CLCN7: variants seen among roughly 807,000 people sequenced by gnomAD.
CLCN7 encodes the protein Cl-/H+ antiporter 7.
In CLCN7, 60 loss-of-function variants were observed where a neutral mutation model predicts 102.1. The observed-to-expected ratio is 0.59, with a 90% confidence interval of 0.48 to 0.73. The LOEUF (loss-of-function observed/expected upper bound fraction) is 0.73. Among genes scored for constraint, CLCN7 ranks in the 30% least tolerant of loss-of-function variants. The probability of loss-of-function intolerance (pLI) is 0.00; values close to 1 mark genes in which losing one functional copy is unlikely to be tolerated. For synonymous variants in CLCN7, 560 were observed against 490.5 expected, an observed-to-expected ratio of 1.14 and a Z score of -1.87; for missense variants, 962 against 1,125.7, an observed-to-expected ratio of 0.85 and a Z score of 2.08.
intron 15 of CLCN7, 74 bp from the exon 16 acceptor site, chr16:1,451,790 C>A: frequency 8.6e-7 from 1 of 1,164,100 alleles, no homozygotes; most frequent in Non-Finnish European, 1.3e-6. Flanking sequence ...CCTGGTGTCG[C>A]CGTGAGAGGC....
rs767717748 is a variant in CLCN7, at chr16:1,449,084, A to G, written c.1679T>C (p.Val560Ala). 42 of 1,612,614 alleles carry G rather than the reference A, an allele frequency of 2.6e-5. No homozygotes were observed. Among genetic ancestry groups the G allele is most frequent in the Non-Finnish European group, 3.4e-5 (40 of 1,179,970 alleles). The change falls in exon 19 of 25, where the codon GTG (valine) becomes GCG (alanine). Residue 560 changes from valine (V) to alanine (A), a missense_variant. Val to Ala is a moderately conservative substitution (Grantham distance 64). Coordinates refer to ENST00000382745, the MANE Select transcript of CLCN7 (RefSeq NM_001287.6). ...GACGGTCAGGCTCAGTGTCATCCGC[A>G]CAATCCCGCCTGCGGGAGCCATCAT... ...MGAAAQLGGI[V>A]RMTLSLTVIM...
At chr16:1,473,891 C>T (rs113266812) in intron 1 of CLCN7, among the ~76,000 whole-genome samples, 2,303 of 151,864 alleles carry the variant, frequency 0.015, 52 homozygotes, top group African/African-American at 0.051. Flanking sequence ...TCGAGGCCAG[C>T]CTGACCAACA....
intron 14 of CLCN7, among the ~76,000 whole-genome samples, chr16:1,453,628 T>TA (rs889169449): frequency 1.3e-5 from 2 of 152,210 alleles, no homozygotes; most frequent in African/African-American, 4.8e-5. Flanking sequence ...CTCGCACTCC[T>TA]AGCCTTGGGC....
At position 1,455,721 on chromosome 16, in the gene CLCN7, A is replaced by G; in HGVS notation, c.981+10T>C. The stretch of plus-strand genomic sequence containing the variant: ...CCCTGATCAGGAGGCAGCCATCAGC[A>G]GGAACTTACGATCCTCCAGGTCAGG... On this transcript the variant is annotated intron_variant, in intron 11 of 24. Coordinates refer to ENST00000382745, the MANE Select transcript of CLCN7 (RefSeq NM_001287.6). The G allele has an allele frequency of 1.2e-6, 2 of 1,613,720 alleles. No homozygotes were observed. Among genetic ancestry groups the G allele is most frequent in the Non-Finnish European group, 8.5e-7 (1 of 1,179,858 alleles).
chr16:1,446,994 G>C lies in CLCN7; in HGVS notation c.2331+12C>G, dbSNP rs371977822. The C allele has an allele frequency of 6.4e-7, 1 of 1,571,432 alleles. No individual in the cohort carries two copies. The highest frequency in any genetic ancestry group is 1.4e-5 in the African/African-American group (1 of 73,894). On this transcript the variant is annotated intron_variant, in intron 24 of 24. Transcript: ENST00000382745. ...TGCACGGCATGCCTGCACCCCCACC[G>C]CCCCCGCTCACCTGATTGCGGTTGT...
At position 1,457,755 on chromosome 16, in the gene CLCN7, G is replaced by T. The variant is rs779246889; in HGVS notation, c.677C>A (p.Thr226Lys). The change falls in exon 8 of 25, where the codon ACG becomes AAG. Residue 226 changes from threonine to lysine, a missense_variant and splice_region_variant. Thr to Lys is a moderately conservative substitution (Grantham distance 78). Around this residue, in one of 2 missense-constraint regions of CLCN7, gnomAD observed 799 missense variants for 988.0 expected, o/e 0.81. Transcript: ENST00000382745. This position sits in a 1 kb window ranked among gnomAD's most constrained non-coding sequence, Gnocchi z 5.4. ...VKIPHVVRLK[T>K]LVIKVSGVIL... ...CACACCGGACACTTTGATCACCAAC[G>T]TCTGAAACACAGGGAGACGCATGGC... 1.2e-6 allele frequency: 2 copies of T among 1,613,706 alleles called. No homozygotes were observed. The highest frequency in any genetic ancestry group is 2.7e-5 in the African/African-American group (2 of 74,950).
At chr16:1,446,781 T>C in intron 24 of CLCN7, 64 bp from the exon 25 acceptor site, 5 of 1,386,886 alleles carry the variant, frequency 3.6e-6, no homozygotes, top group Non-Finnish European at 5.0e-6. Flanking sequence ...TGGAGCTCCC[T>C]GCCTTGTGTG....
rs184831951 is a variant in CLCN7, at chr16:1,446,039, C to G, written c.*592G>C. The G allele has an allele frequency of 2.6e-4, 149 of 568,132 alleles. No individual in the cohort carries two copies. Among genetic ancestry groups the G allele is most frequent in the Non-Finnish European group, 6.2e-5 (20 of 321,278 alleles). The allele number at this position is 568,132 out of a possible 1,614,324, so 35.2% of individuals were successfully genotyped here. On this transcript the variant is annotated 3_prime_UTR_variant, in exon 25 of 25. Coordinates refer to ENST00000382745, the MANE Select transcript of CLCN7 (RefSeq NM_001287.6). ...AGCCGGATGCAGGCCGGGGAGTGCA[C>G]GTGGGGCTCCTCTGTGGCGCCAGTG...
At position 1,447,714 on chromosome 16, in the gene CLCN7, G is replaced by T; in HGVS notation, c.2014C>A (p.Pro672Thr). The T allele has an allele frequency of 6.4e-7, 1 of 1,552,832 alleles. No individual in the cohort carries two copies. Among genetic ancestry groups the T allele is most frequent in the Non-Finnish European group, 8.7e-7 (1 of 1,148,552 alleles). Residue 672 changes from proline (P) to threonine (T), a missense_variant and splice_region_variant, in exon 22 of 25, where the codon CCT becomes ACT. Physicochemically the swap from Pro to Thr is conservative, Grantham distance 38. Around this residue, in one of 2 missense-constraint regions of CLCN7, gnomAD observed 799 missense variants for 988.0 expected, o/e 0.81. Coordinates refer to ENST00000382745, the MANE Select transcript of CLCN7 (RefSeq NM_001287.6). Reference sequence around the variant, plus strand: ...AGGATCAGGCCCTGGAGCCGGGCAGGCTGCAAGACAGGCCCGCGGTCAGGG... The same window carrying T: ...AGGATCAGGCCCTGGAGCCGGGCAGTCTGCAAGACAGGCCCGCGGTCAGGG... ...PVVEHADDTQ[P>T]ARLQGLILRS...
Position 1,459,110 on chromosome 16 carries a change from G to A in CLCN7, c.672C>T (p.Leu224=). Residue 224 remains leucine (L), a synonymous_variant, in exon 7 of 25, where the codon CTC becomes CTT. Transcript: ENST00000382745. ...GCCAGGGCCACCGCACCCTCACCTTGAGCCGCACCACGTGGGGGATCTTCA... is the reference window on the plus strand; with the variant it reads ...GCCAGGGCCACCGCACCCTCACCTTAAGCCGCACCACGTGGGGGATCTTCA... ...NGVKIPHVVR[L]KTLVIKVSGV... The A allele has an allele frequency of 6.2e-7, 1 of 1,610,226 alleles. No individual in the cohort carries two copies. The highest frequency in any genetic ancestry group is 8.5e-7 in the Non-Finnish European group (1 of 1,177,614).
intron 1 of CLCN7, 103 bp from the exon 2 acceptor site, chr16:1,465,441 G>A (rs1596227599): frequency 8.5e-6 from 9 of 1,060,556 alleles, no homozygotes; most frequent in East Asian, 2.6e-5. Context: ...GACCCTGCCC[G>A]GGAGCTCAGG....
chr16:1,460,162 A>AG (rs1256038576), intron 6 of CLCN7, among the ~76,000 whole-genome samples: 2 of 150,524 alleles, frequency 1.3e-5, no homozygotes, highest in Non-Finnish European at 3.0e-5. Context: ...AGATGGAAGG[A>AG]GGGGCGGAGT....
Position 1,447,586 on chromosome 16 carries a change from C to G in CLCN7, c.2074-18G>C. 1.3e-6 allele frequency: 2 copies of G among 1,553,038 alleles called. No individual in the cohort carries two copies. Among genetic ancestry groups the G allele is most frequent in the East Asian group, 2.4e-5 (1 of 41,116 alleles). ...ACAAACACCTGCGGGCGGCAGAGCC[C>G]TGTGTCAGGCACCCAGGCAGCACCC... On this transcript the variant is annotated intron_variant, in intron 22 of 24. Coordinates refer to ENST00000382745, the MANE Select transcript of CLCN7 (RefSeq NM_001287.6).
intron 17 of CLCN7, 61 bp from the exon 18 acceptor site, chr16:1,449,388 C>A: frequency 6.6e-7 from 1 of 1,515,824 alleles, no homozygotes; most frequent in South Asian, 1.2e-5. Flanking sequence ...CACCAAGATA[C>A]ACAGACGGAG....
chr16:1,455,309 C>A lies in CLCN7; in HGVS notation c.982-59G>T, dbSNP rs936669503. ...AGCCACGCTCCCAGCCCAGGGCTCA[C>A]GGACCAGCAGGGACCATCGCCCCTC... On this transcript the variant is annotated intron_variant, in intron 11 of 24. Transcript: ENST00000382745. 1.2e-5 allele frequency: 13 copies of A among 1,106,618 alleles called. No homozygotes were observed. The African/African-American group carries it at 1.7e-4, about 14-fold the overall frequency. The allele number at this position is 1,106,618 out of a possible 1,614,324, so 68.5% of individuals were successfully genotyped here.
chr16:1,461,754 GC>G, intron 2 of CLCN7, 80 bp from the exon 3 acceptor site: 1 of 1,199,598 alleles, frequency 8.3e-7, no homozygotes, highest in Non-Finnish European at 1.2e-6. Context: ...CACACACGAG[GC>G]CATTATCATC....
rs115335595 is a variant in CLCN7 at position 1,449,407 on chromosome 16, G to A, written c.1618-80C>T. 129,338 of 1,377,008 alleles carry A rather than the reference G, an allele frequency of 0.094. 7,018 individuals are homozygous for A. Among genetic ancestry groups the A allele is most frequent in the Non-Finnish European group, 0.11 (110,174 of 988,884 alleles). 85.3% of individuals were successfully genotyped at this position (1,377,008 alleles called of 1,614,324 possible). A position where few individuals can be genotyped will look rare whatever the true frequency, so the allele number is the denominator to read the frequency against. The stretch of plus-strand genomic sequence containing the variant: ...AAGATACACAGACGGAGGAGGCCCT[G>A]CCCAGGCCCAGCAGCCCCACAGCCA... On this transcript the variant is annotated intron_variant, in intron 17 of 24. Coordinates refer to ENST00000382745, the MANE Select transcript of CLCN7 (RefSeq NM_001287.6).
intron 19 of CLCN7, 40 bp downstream of exon 19, chr16:1,448,926 A>T (rs1421270382): frequency 6.2e-7 from 1 of 1,610,106 alleles, no homozygotes; most frequent in South Asian, 1.1e-5. Context: ...CTATGGCAGC[A>T]CCCACGCTCT....
At chr16:1,467,029 C>T (rs865859079) in intron 1 of CLCN7, among the ~76,000 whole-genome samples, 2 of 151,864 alleles carry the variant, frequency 1.3e-5, no homozygotes, top group African/African-American at 2.4e-5. Context: ...CCACCGTCGC[C>T]CTTGCTGTAC....
Sources: gnomAD v4.1 joint callset for allele counts (sites outside exome capture counted in the v4.1 genomes callset) on GRCh38, gnomAD v4.1.1 for gene constraint, gnomAD v4.1.1 regional missense constraint, Gnocchi (gnomAD v3.1) non-coding constraint, MANE v1.5 for transcripts, NCBI Gene and HGNC (gene_info 2026-07-23, HGNC 2026-07-21) for gene names.